The following RBFOX1 variants were observed in gnomAD, a reference collection of about 807,000 sequenced individuals.
RBFOX1 encodes the protein RNA binding fox-1 homolog 1, also known as RNA binding protein fox-1 homolog 1.
Under a neutral mutation model 57.7 loss-of-function variants are expected in RBFOX1, and 8 were observed. The ratio of observed to expected loss-of-function variants is 0.14; its 90% CI spans 0.08 to 0.25. The LOEUF (loss-of-function observed/expected upper bound fraction) is 0.25. Ranked by LOEUF, RBFOX1 falls within the 10% of genes least tolerant of loss-of-function variation. The pLI is 1.00. For synonymous variants in RBFOX1, 326 were observed against 222.4 expected (o/e 1.47, Z -4.15); for missense variants, 611 against 548.5 (o/e 1.11, Z -1.14).
intron 4 of RBFOX1, among the ~76,000 whole-genome samples, chr16:7,110,126 G>A (rs2064400322): frequency 6.6e-6 from 1 of 150,382 alleles, no homozygotes; most frequent in South Asian, 2.1e-4. Flanking sequence ...TTGGAAGGAG[G>A]ATTGTTTGAG....
chr16:6,265,588 C>T (rs1489759752), intron 1 of RBFOX1, among the ~76,000 whole-genome samples: 1 of 152,040 alleles, frequency 6.6e-6, no homozygotes, highest in African/African-American at 2.4e-5. Context: ...TAGCTTACAA[C>T]ATTTATTAAA....
chr16:5,493,880 A>C (rs139300456), intron 2 of RBFOX1, among the ~76,000 whole-genome samples: 2 of 152,366 alleles, frequency 1.3e-5, no homozygotes, highest in Admixed American at 6.5e-5. Context: ...AAAATATGAA[A>C]TTAATCACCC....
At chr16:6,721,637 C>G (rs761464635) in intron 3 of RBFOX1, 1 of 152,196 alleles carries the variant, frequency 6.6e-6, no homozygotes, top group Non-Finnish European at 1.5e-5. Flanking sequence ...CACTTTCCCT[C>G]TTTGTGAATT....
At chr16:7,613,725 C>G (rs1202488002) in intron 10 of RBFOX1, among the ~76,000 whole-genome samples, 1 of 152,120 alleles carries the variant, frequency 6.6e-6, no homozygotes, top group Non-Finnish European at 1.5e-5. Flanking sequence ...ATTTTTTCCT[C>G]CCACTTCCAC....
chr16:6,914,302 G>A (rs1182802640), intron 3 of RBFOX1, among the ~76,000 whole-genome samples: 1 of 152,162 alleles, frequency 6.6e-6, no homozygotes, highest in Non-Finnish European at 1.5e-5. Flanking sequence ...TTCCGGGCTA[G>A]GAGGGACCTT....
rs956751944 is a variant in RBFOX1 at position 7,049,466 on chromosome 16, A to T, written c.-15-2591A>T. On this transcript the variant is annotated intron_variant, in intron 3 of 15. Transcript: ENST00000550418. Reference sequence around the variant, plus strand: ...ACTTTTAAAAAGAAAGAACAGTAATAAAAAAAAAAGAACAATGGGGATTTT... The same window carrying T: ...ACTTTTAAAAAGAAAGAACAGTAATTAAAAAAAAAGAACAATGGGGATTTT... 1.5e-4 allele frequency among the ~76,000 whole-genome samples: 16 copies of T among 104,922 alleles called. 1 individual carries two copies. The highest frequency in any genetic ancestry group is 5.0e-4 in the Admixed American group (5 of 10,044). The allele number at this position is 104,922 out of a possible 152,430, so 68.8% of individuals were successfully genotyped here. A position where few individuals can be genotyped will look rare whatever the true frequency, so the allele number is the denominator to read the frequency against.
At chr16:6,906,483 G>C (rs2069981318) in intron 3 of RBFOX1, among the ~76,000 whole-genome samples, 1 of 152,024 alleles carries the variant, frequency 6.6e-6, no homozygotes. Flanking sequence ...AAATAAGAGT[G>C]TATGCATTAA....
At chr16:6,941,958 A>G (rs973653855) in intron 3 of RBFOX1, among the ~76,000 whole-genome samples, 7 of 152,126 alleles carry the variant, frequency 4.6e-5, no homozygotes, top group East Asian at 1.9e-4. Flanking sequence ...GATGGGCACA[A>G]TGGCTCACAC....
At chr16:6,692,981 C>T (rs2060435218) in intron 3 of RBFOX1, among the ~76,000 whole-genome samples, 1 of 151,846 alleles carries the variant, frequency 6.6e-6, no homozygotes. Context: ...GCATCATTAT[C>T]ACCATCGTTC....
intron 3 of RBFOX1, among the ~76,000 whole-genome samples, chr16:6,917,677 C>G (rs984571030): frequency 2.0e-5 from 3 of 152,180 alleles, no homozygotes; most frequent in Non-Finnish European, 2.9e-5. Flanking sequence ...GAAGGAGGGT[C>G]TGTGTGCTGT....
At chr16:7,256,410 C>T (rs909474919) in intron 4 of RBFOX1, among the ~76,000 whole-genome samples, 4 of 152,292 alleles carry the variant, frequency 2.6e-5, no homozygotes, top group Admixed American at 1.3e-4. Context: ...AGGCGGCTGT[C>T]ATGGGAGAAG....
intron 4 of RBFOX1, among the ~76,000 whole-genome samples, chr16:7,267,019 G>C (rs78504142): frequency 0.022 from 3,321 of 152,226 alleles, 79 homozygotes; most frequent in East Asian, 0.12. Flanking sequence ...GTTCAAAAGG[G>C]TGAGCCAGCG....
chr16:5,269,833 A>G (rs534438869), intron 1 of RBFOX1, among the ~76,000 whole-genome samples: 1 of 152,316 alleles, frequency 6.6e-6, no homozygotes, highest in East Asian at 1.9e-4. Flanking sequence ...CCAAGTTGCA[A>G]TTTTATTCAA....
chr16:6,184,933 G>C (rs1469655117), intron 1 of RBFOX1, among the ~76,000 whole-genome samples: 1 of 152,094 alleles, frequency 6.6e-6, no homozygotes, highest in Non-Finnish European at 1.5e-5. Context: ...GATTGCAAGA[G>C]AAGCAGCTGT....
chr16:6,871,658 T>C (rs1190760274), intron 3 of RBFOX1, among the ~76,000 whole-genome samples: 2 of 150,462 alleles, frequency 1.3e-5, no homozygotes, highest in Non-Finnish European at 3.0e-5. Context: ...TCAACACTTC[T>C]AAACTGGCCT....
In RBFOX1 at chr16:6,376,303, G is replaced by T. The variant is rs551047026; in HGVS notation, c.-64+59246G>T. Among the ~76,000 whole-genome samples, 5 of 30,620 alleles carry T rather than the reference G, an allele frequency of 1.6e-4. No homozygotes were observed. The East Asian group carries it at 4.3e-3, about 26-fold the overall frequency. The allele number at this position is 30,620 out of a possible 152,430, so 20.1% of individuals were successfully genotyped here. ...TTGGGTTTTGTTTGTTTGTTGGTTG[G>T]TTGTTGTTGTTGTTGTTTGCAAGGG... On this transcript the variant is annotated intron_variant, in intron 2 of 15. Transcript: ENST00000550418.
At chr16:5,875,407 C>T (rs1178373379) in intron 4 of RBFOX1, among the ~76,000 whole-genome samples, 2 of 152,134 alleles carry the variant, frequency 1.3e-5, no homozygotes, top group Non-Finnish European at 2.9e-5. Flanking sequence ...AGTGGTGAAA[C>T]TCGGGCAAAT....
chr16:6,604,383 C>T (rs1601254955), intron 2 of RBFOX1, among the ~76,000 whole-genome samples: 2 of 151,850 alleles, frequency 1.3e-5, no homozygotes, highest in South Asian at 4.2e-4. Flanking sequence ...TGCTTTGTTG[C>T]CCAAGCAGGA....
intron 3 of RBFOX1, among the ~76,000 whole-genome samples, chr16:6,878,225 C>G (rs1041319395): frequency 6.6e-6 from 1 of 152,174 alleles, no homozygotes; most frequent in African/African-American, 2.4e-5. Flanking sequence ...AACAAAGATT[C>G]CGTTTCTTCC....
Sources: gnomAD v4.1 joint callset for allele counts (sites outside exome capture counted in the v4.1 genomes callset) on GRCh38, gnomAD v4.1.1 for gene constraint, MANE v1.5 for transcripts, NCBI Gene and HGNC (gene_info 2026-07-23, HGNC 2026-07-21) for gene names.